The following TAF15 variants were observed in gnomAD, a reference collection of about 807,000 sequenced individuals.
TAF15 encodes the protein TATA-binding protein-associated factor 2N.
A neutral mutation model predicts 102.5 loss-of-function variants in TAF15; 37 were observed. The ratio of observed to expected loss-of-function variants is 0.36; its 90% CI spans 0.28 to 0.47. The LOEUF (loss-of-function observed/expected upper bound fraction) is 0.47. Among genes scored for constraint, TAF15 ranks in the 20% least tolerant of loss-of-function variants. TAF15 has a pLI of 0.99. For missense variants in TAF15, 652 were observed against 760.7 expected (o/e 0.86, Z 1.68); for synonymous variants, 273 against 259.2 (o/e 1.05, Z -0.51).
At chr17:35,844,193 T>C in intron 13 of TAF15, 35 bp downstream of exon 13, 2 of 1,611,804 alleles carry the variant, frequency 1.2e-6, no homozygotes, top group Non-Finnish European at 1.7e-6. Flanking sequence ...AGAGTAGGGG[T>C]TGGGATTGGG....
chr17:35,843,028 G>A (rs2087566316), intron 12 of TAF15, among the ~76,000 whole-genome samples: 1 of 152,022 alleles, frequency 6.6e-6, no homozygotes, highest in African/African-American at 2.4e-5. Flanking sequence ...CGTGCTTGGC[G>A]AGGCAATTGT....
intron 11 of TAF15, among the ~76,000 whole-genome samples, chr17:35,839,132 T>G (rs2087510531): frequency 2.7e-5 from 4 of 149,702 alleles, no homozygotes; most frequent in Admixed American, 2.7e-4. Flanking sequence ...TTTTTTTAAA[T>G]AACCTGGACG....
chr17:35,820,140 C>G, intron 3 of TAF15, 24 bp from the exon 4 acceptor site: 1 of 1,613,558 alleles, frequency 6.2e-7, no homozygotes, highest in Non-Finnish European at 8.5e-7. Context: ...GGTGATGAAA[C>G]TTGAGTATTT....
intron 1 of TAF15, among the ~76,000 whole-genome samples, chr17:35,814,817 C>T (rs1034052196): frequency 9.2e-5 from 14 of 151,440 alleles, no homozygotes; most frequent in Non-Finnish European, 2.1e-4. Context: ...CGTGTCACTG[C>T]ACTCCATCCT....
intron 1 of TAF15, among the ~76,000 whole-genome samples, chr17:35,813,577 A>G (rs960939839): frequency 6.6e-6 from 1 of 151,554 alleles, no homozygotes; most frequent in Non-Finnish European, 1.5e-5. Flanking sequence ...TCGAGGCTAC[A>G]GTGAGCTGTG....
At position 35,820,961 on chromosome 17, in the gene TAF15, T is replaced by G. The variant is rs575515946; in HGVS notation, c.290+524T>G. Among the ~76,000 whole-genome samples, 150 of 152,320 alleles carry G rather than the reference T, an allele frequency of 9.8e-4. 1 individual carries two copies. The South Asian group carries it at 0.019, about 19-fold the overall frequency. The stretch of plus-strand genomic sequence containing the variant: ...AGATTTAAAGAGCTGGTACTTAATT[T>G]TATGCTATTTACTTAATAGCAAGTT... On this transcript the variant is annotated intron_variant, in intron 5 of 15. Coordinates refer to ENST00000605844, the MANE Select transcript of TAF15 (RefSeq NM_139215.3).
At chr17:35,814,880 A>G (rs904604003) in intron 1 of TAF15, among the ~76,000 whole-genome samples, 1 of 151,886 alleles carries the variant, frequency 6.6e-6, no homozygotes, top group African/African-American at 2.4e-5. Flanking sequence ...GTGTATATAT[A>G]TATGTATATA....
chr17:35,813,111 C>CT (rs1483856884), intron 1 of TAF15, among the ~76,000 whole-genome samples: 2 of 113,530 alleles, frequency 1.8e-5, no homozygotes, highest in Admixed American at 1.1e-4. Context: ...GAGCAAGACT[C>CT]TGTCTCAAAA....
Position 35,839,370 on chromosome 17 carries a change from C to CTTTTTTTTT in TAF15, c.913+838_913+846dup, listed in dbSNP as rs562461506. On this transcript the variant is annotated intron_variant, in intron 11 of 15. Transcript: ENST00000605844. ...TTAATACATACTTAGAAGAAATAGA[C>CTTTTTTTTT]TTTTTTTTTTTTTTTTTTTTTTTTT... Among the ~76,000 whole-genome samples, 40 of 52,420 alleles carry CTTTTTTTTT rather than the reference C, an allele frequency of 7.6e-4. 14 individuals carry two copies. The highest frequency in any genetic ancestry group is 3.4e-3 in the African/African-American group (38 of 11,146). The allele number at this position is 52,420 out of a possible 152,430, so 34.4% of individuals were successfully genotyped here. A position where few individuals can be genotyped will look rare whatever the true frequency, so the allele number is the denominator to read the frequency against.
At chr17:35,834,094 T>C (rs762670345) in intron 8 of TAF15, among the ~76,000 whole-genome samples, 153 bp downstream of exon 8, 122 of 151,720 alleles carry the variant, frequency 8.0e-4, no homozygotes, top group Non-Finnish European at 5.4e-4. Context: ...TATATATATA[T>C]ACACATATAT....
intron 15 of TAF15, among the ~76,000 whole-genome samples, chr17:35,846,702 C>T (rs2087626656): frequency 6.6e-6 from 1 of 152,146 alleles, no homozygotes; most frequent in Non-Finnish European, 1.5e-5. Context: ...TGAAGCAAAG[C>T]TTCTTCTAGG....
intron 1 of TAF15, chr17:35,816,808 A>ACC: frequency 2.2e-5 from 1 of 46,342 alleles, no homozygotes; most frequent in Non-Finnish European, 4.5e-5. Context: ...CCCCCACCCC[A>ACC]CCCCCACTTT....
At chr17:35,830,463 T>G (rs2087390239) in intron 7 of TAF15, among the ~76,000 whole-genome samples, 1 of 136,916 alleles carries the variant, frequency 7.3e-6, no homozygotes. Context: ...ACATCTTGAC[T>G]CAGATGTTCA....
intron 1 of TAF15, 79 bp downstream of exon 1, chr17:35,809,655 G>T (rs568523049): frequency 6.2e-7 from 1 of 1,602,102 alleles, no homozygotes; most frequent in East Asian, 2.2e-5. Context: ...CCCACCGGAG[G>T]GCCCTGAGGA....
chr17:35,846,355 A>G (rs557557818), intron 15 of TAF15, among the ~76,000 whole-genome samples: 1 of 152,246 alleles, frequency 6.6e-6, no homozygotes, highest in African/African-American at 2.4e-5. Flanking sequence ...AGTAAGCACT[A>G]TATAATTTTT....
Position 35,844,768 on chromosome 17 carries a change from G to A in TAF15, c.1469G>A (p.Arg490Gln), listed in dbSNP as rs1322413661. Residue 490 changes from arginine to glutamine, a missense_variant, in exon 15 of 16, where the codon CGA (arginine) becomes CAA (glutamine). Physicochemically the swap from Arg to Gln is conservative, Grantham distance 43. Coordinates refer to ENST00000605844, the MANE Select transcript of TAF15 (RefSeq NM_139215.3). Reference protein sequence around the residue: ...GGDRGGYGGDRGGGYGGDRGG... With the variant: ...GGDRGGYGGDQGGGYGGDRGG... ...GATCGAGGTGGCTATGGAGGAGACC[G>A]AGGTGGAGGCTATGGTGGAGACCGA... 5.6e-6 allele frequency: 9 copies of A among 1,612,174 alleles called. No homozygotes were observed. The highest frequency in any genetic ancestry group is 4.0e-5 in the African/African-American group (3 of 74,702).
At chr17:35,811,139 C>G (rs894279503) in intron 1 of TAF15, 1 of 152,204 alleles carries the variant, frequency 6.6e-6, no homozygotes, top group African/African-American at 2.4e-5. Context: ...TTAATGGTTT[C>G]AGTCCTCATT....
intron 7 of TAF15, chr17:35,833,638 C>T: frequency 2.5e-6 from 1 of 402,894 alleles, no homozygotes; most frequent in Non-Finnish European, 4.5e-6. Flanking sequence ...TAATAGTATC[C>T]CTTTGGCTTG....
Position 35,842,446 on chromosome 17 carries a change from A to T in TAF15, c.993A>T (p.Gly331=). The change falls in exon 12 of 16, where the codon GGA becomes GGT. Residue 331 remains glycine (G), a synonymous_variant. Coordinates refer to ENST00000605844, the MANE Select transcript of TAF15 (RefSeq NM_139215.3). The part of the protein sequence containing the change: ...RPEFMRGGGS[G]GGRRGRGGYR... ...AATTCATGAGAGGAGGTGGAAGTGG[A>T]GGTGGGCGGCGAGGTAAGATCCTTG... is the stretch of plus-strand genomic sequence containing the variant. The T allele has an allele frequency of 6.2e-7, 1 of 1,613,866 alleles. No individual in the cohort carries two copies.
Sources: gnomAD v4.1 joint callset for allele counts (sites outside exome capture counted in the v4.1 genomes callset) on GRCh38, gnomAD v4.1.1 for gene constraint, MANE v1.5 for transcripts, NCBI Gene and HGNC (gene_info 2026-07-23, HGNC 2026-07-21) for gene names.